TNS3: variants seen among roughly 807,000 people sequenced by gnomAD.
The protein encoded by TNS3 is tensin-3.
TNS3 carries 45 observed loss-of-function variants against 140.9 expected under a neutral mutation model. That is an observed-to-expected ratio of 0.32 (90% confidence interval 0.25 to 0.41). The LOEUF (loss-of-function observed/expected upper bound fraction) is 0.41, where lower values mean the gene tolerates loss of function less well. Ranked by LOEUF, TNS3 falls within the 10% of genes least tolerant of loss-of-function variation. The pLI is 1.00. For missense variants in TNS3, 1,716 were observed against 1,906.7 expected, an observed-to-expected ratio of 0.90 and a Z score of 1.86; for synonymous variants, 815 against 788.4, an observed-to-expected ratio of 1.03 and a Z score of -0.56.
At chr7:47,424,974 A>G (rs1276163588) in intron 9 of TNS3, among the ~76,000 whole-genome samples, 3 of 152,208 alleles carry the variant, frequency 2.0e-5, no homozygotes. Flanking sequence ...ATCCTGGAAT[A>G]TGAGTGCAGT....
chr7:47,400,247 A>G, intron 15 of TNS3, 146 bp downstream of exon 15: 1 of 722,716 alleles, frequency 1.4e-6, no homozygotes. Context: ...TCCACTATCC[A>G]ATATCCTACA....
chr7:47,582,384 G>C (rs1235620228), upstream of TNS3: 3 of 455,844 alleles, frequency 6.6e-6, no homozygotes, highest in Non-Finnish European at 1.3e-5. Flanking sequence ...GGCTCCAAGT[G>C]GTCTGGAGGC....
chr7:47,430,604 T>C lies in TNS3; in HGVS notation c.325-2228A>G, dbSNP rs562142162. Among the ~76,000 whole-genome samples, 3 of 152,230 alleles carry C rather than the reference T, an allele frequency of 2.0e-5. No homozygotes were observed. The East Asian group carries it at 5.8e-4, about 29-fold the overall frequency. On this transcript the variant is annotated intron_variant, in intron 8 of 30. Coordinates refer to ENST00000311160, the MANE Select transcript of TNS3 (RefSeq NM_022748.12). ...AGACCTTACAGACATATACAGAACA[T>C]TGCATCAGAATACGCATTCTTCTGA...
intron 1 of TNS3, among the ~76,000 whole-genome samples, chr7:47,556,545 A>C (rs1472544537): frequency 6.6e-6 from 1 of 152,120 alleles, no homozygotes; most frequent in East Asian, 1.9e-4. Context: ...CCTTAGGCCC[A>C]ATCCACAGGC....
chr7:47,285,735 C>T (rs1006705195), intron 27 of TNS3, among the ~76,000 whole-genome samples: 2 of 152,208 alleles, frequency 1.3e-5, no homozygotes, highest in Non-Finnish European at 2.9e-5. Flanking sequence ...AGGAAATATT[C>T]TGTAACCACA....
At chr7:47,516,582 AC>A (rs1189835784) in intron 2 of TNS3, among the ~76,000 whole-genome samples, 1 of 152,120 alleles carries the variant, frequency 6.6e-6, no homozygotes, top group African/African-American at 2.4e-5. Flanking sequence ...TTCTACACCC[AC>A]AGTGACTGTG....
At chr7:47,506,849 T>G (rs542854666) in intron 3 of TNS3, 58 bp downstream of exon 3, 21 of 1,248,384 alleles carry the variant, frequency 1.7e-5, no homozygotes, top group Non-Finnish European at 1.8e-5. Flanking sequence ...ACACATATCA[T>G]TCAATGAAGG....
chr7:47,527,205 G>A (rs1303381164), intron 2 of TNS3, among the ~76,000 whole-genome samples: 1 of 152,108 alleles, frequency 6.6e-6, no homozygotes, highest in Non-Finnish European at 1.5e-5. Flanking sequence ...CCACTGCACT[G>A]CAGCCTGGGT....
At chr7:47,486,132 A>G (rs1797606871) in intron 3 of TNS3, among the ~76,000 whole-genome samples, 1 of 151,896 alleles carries the variant, frequency 6.6e-6, no homozygotes, top group Non-Finnish European at 1.5e-5. Context: ...TACTGTGGAT[A>G]TCTGCAAATA....
rs531007107 is a variant in TNS3, at chr7:47,508,935, T to A, written c.-152-1991A>T. Reference sequence around the variant, plus strand: ...AAGTGTGCCACCTCGGAAGCTGGTCTCCAACCCCAACCAAGCCTTCAGATG... The same window carrying A: ...AAGTGTGCCACCTCGGAAGCTGGTCACCAACCCCAACCAAGCCTTCAGATG... On this transcript the variant is annotated intron_variant, in intron 2 of 30. Coordinates refer to ENST00000311160, the MANE Select transcript of TNS3 (RefSeq NM_022748.12). 2.0e-5 allele frequency among the ~76,000 whole-genome samples: 3 copies of A among 152,300 alleles called. No homozygotes were observed. In the East Asian group the frequency reaches 5.8e-4, roughly 29 times the overall value.
chr7:47,305,016 C>A lies in TNS3; in HGVS notation c.2651-13G>T. On this transcript the variant is annotated splice_polypyrimidine_tract_variant and intron_variant, in intron 20 of 30. Coordinates refer to ENST00000311160, the MANE Select transcript of TNS3 (RefSeq NM_022748.12). ...CAGCTTCGTGGTTCTGTAGCGGGAACACAGGAAGCAGAGAGACCTCGGTTG... is the reference window on the plus strand; with the variant it reads ...CAGCTTCGTGGTTCTGTAGCGGGAAAACAGGAAGCAGAGAGACCTCGGTTG... 1 of 1,333,676 alleles carries A rather than the reference C, an allele frequency of 7.5e-7. No homozygotes were observed. Among genetic ancestry groups the A allele is most frequent in the South Asian group, 2.6e-5 (1 of 38,368 alleles). The allele number at this position is 1,333,676 out of a possible 1,614,324, so 82.6% of individuals were successfully genotyped here.
At chr7:47,431,303 C>A (rs998966225) in intron 8 of TNS3, among the ~76,000 whole-genome samples, 1 of 151,988 alleles carries the variant, frequency 6.6e-6, no homozygotes, top group Admixed American at 6.6e-5. Context: ...AATAAAAAAA[C>A]CTAATGTCAG....
intron 3 of TNS3, 151 bp from the exon 4 acceptor site, chr7:47,481,292 G>C: frequency 4.1e-6 from 2 of 492,810 alleles, no homozygotes; most frequent in Non-Finnish European, 6.7e-6. Flanking sequence ...ACAAGATTTA[G>C]AGTTAAGAGA....
At chr7:47,381,604 A>T (rs1791763559) in intron 16 of TNS3, among the ~76,000 whole-genome samples, 1 of 152,204 alleles carries the variant, frequency 6.6e-6, no homozygotes, top group South Asian at 2.1e-4. Flanking sequence ...TCAGCCATCC[A>T]GGGGAGACAG....
rs569820943 is a variant in TNS3, at chr7:47,495,890, G to A, written c.-115+11017C>T. 2.0e-5 allele frequency among the ~76,000 whole-genome samples: 3 copies of A among 152,308 alleles called. No homozygotes were observed. In the South Asian group the frequency reaches 6.2e-4, roughly 32 times the overall value. On this transcript the variant is annotated intron_variant, in intron 3 of 30. Transcript: ENST00000311160. Reference sequence around the variant, plus strand: ...CTCCTCCATCTCGGCAGAGGGAAGGGGTAAGGACAGACCACTCAGGAGAGC... The same window carrying A: ...CTCCTCCATCTCGGCAGAGGGAAGGAGTAAGGACAGACCACTCAGGAGAGC...
At chr7:47,380,511 T>C (rs974887032) in intron 16 of TNS3, among the ~76,000 whole-genome samples, 2 of 152,186 alleles carry the variant, frequency 1.3e-5, no homozygotes, top group Admixed American at 1.3e-4. Flanking sequence ...TGCAAACCAA[T>C]AAAGGCATTC....
chr7:47,565,700 G>C (rs1405391209), intron 1 of TNS3, among the ~76,000 whole-genome samples: 2 of 152,150 alleles, frequency 1.3e-5, no homozygotes, highest in African/African-American at 2.4e-5. Context: ...TAATAAGCCA[G>C]TAGGTGGGGG....
Position 47,407,627 on chromosome 7 carries a change from T to G in TNS3, c.723+4100A>C, listed in dbSNP as rs1471174496. 6.6e-6 allele frequency among the ~76,000 whole-genome samples: 1 copy of G among 152,176 alleles called. No homozygotes were observed. The highest frequency in any genetic ancestry group is 6.5e-5 in the Admixed American group (1 of 15,282). On this transcript the variant is annotated intron_variant, in intron 13 of 30. Transcript: ENST00000311160. The surrounding 1 kb of genome is among the most constrained non-coding windows in gnomAD (Gnocchi z 4.1). ...TGGTGTCCTTCCAAAATCCATAAGT[T>G]GAAGGTCTCAGCACTTCAGCATAGG...
chr7:47,484,452 A>C (rs1347096345), intron 3 of TNS3, among the ~76,000 whole-genome samples: 1 of 152,138 alleles, frequency 6.6e-6, no homozygotes, highest in Non-Finnish European at 1.5e-5. Flanking sequence ...CCTCCCTTAT[A>C]CTAAGGCAGG....
Sources: allele counts gnomAD v4.1 joint callset (sites outside exome capture counted in the v4.1 genomes callset), GRCh38; gene constraint gnomAD v4.1.1; non-coding constraint Gnocchi (gnomAD v3.1); transcripts MANE v1.5; gene names NCBI Gene and HGNC (gene_info 2026-07-23, HGNC 2026-07-21).